SHROOM4: variants seen among roughly 807,000 people sequenced by gnomAD.
SHROOM4 encodes shroom family member 4, also known as protein Shroom4.
SHROOM4 carries 17 observed loss-of-function variants against 80.3 expected under a neutral mutation model. The ratio of observed to expected loss-of-function variants is 0.21; its 90% CI spans 0.14 to 0.32. The LOEUF (loss-of-function observed/expected upper bound fraction) is 0.32. Ranked by LOEUF, SHROOM4 falls within the 10% of genes least tolerant of loss-of-function variation. The probability of loss-of-function intolerance (pLI) is 1.00; values close to 1 mark genes in which losing one functional copy is unlikely to be tolerated. For synonymous variants in SHROOM4, 400 were observed against 437.5 expected (o/e 0.91, Z 1.07); for missense variants, 993 against 1,140.3 (o/e 0.87, Z 1.86).
intron 2 of SHROOM4, chrX:50,649,736 T>C (rs1470852070): frequency 3.6e-5 from 4 of 112,582 alleles, no homozygotes; most frequent in African/African-American, 1.3e-4. Context: ...ATGCTCTGTA[T>C]TTTTACTGCA....
At chrX:50,650,817 T>C (rs782702455) in intron 2 of SHROOM4, among the ~76,000 whole-genome samples, 3 of 112,482 alleles carry the variant, frequency 2.7e-5, no homozygotes, top group Admixed American at 9.4e-5. Context: ...GATTTTTCCC[T>C]CAGGGAAATC....
chrX:50,770,468 C>A (rs1935373355), intron 1 of SHROOM4, among the ~76,000 whole-genome samples: 1 of 111,928 alleles, frequency 8.9e-6, no homozygotes, highest in Non-Finnish European at 1.9e-5. Context: ...TCAGCAGTGA[C>A]AACTGGTTTG....
chrX:50,652,991 C>A (rs1338321957), intron 2 of SHROOM4, among the ~76,000 whole-genome samples: 1 of 111,587 alleles, frequency 9.0e-6, no homozygotes, highest in Admixed American at 9.5e-5. Context: ...AGTTTGAAGT[C>A]AGGTAGCATG....
chrX:50,621,439 G>A (rs980206751), intron 5 of SHROOM4, among the ~76,000 whole-genome samples: 1 of 111,736 alleles, frequency 8.9e-6, no homozygotes, highest in Admixed American at 9.5e-5. Context: ...TATTCTTCCA[G>A]ATAAATTTTA....
the SHROOM4 span, among the ~76,000 whole-genome samples, chrX:50,578,927 G>A: frequency 9.0e-6 from 1 of 111,701 alleles, no homozygotes; most frequent in Non-Finnish European, 1.9e-5. Flanking sequence ...TGGTAGTATA[G>A]TTTATTGCTG....
At chrX:50,781,745 CAGAAA>C (rs1935631854) in intron 1 of SHROOM4, among the ~76,000 whole-genome samples, 1 of 110,708 alleles carries the variant, frequency 9.0e-6, no homozygotes, top group Non-Finnish European at 1.9e-5. Flanking sequence ...AAAATAAAGA[CAGAAA>C]ATACTCTCTT....
At chrX:50,724,500 T>C (rs1934201868) in intron 1 of SHROOM4, among the ~76,000 whole-genome samples, 1 of 113,160 alleles carries the variant, frequency 8.8e-6, no homozygotes, top group African/African-American at 3.2e-5. Context: ...AGTTTCGCTC[T>C]TGTTGCCCAG....
chrX:50,796,235 A>C (rs1485685547), intron 1 of SHROOM4, among the ~76,000 whole-genome samples: 2 of 112,162 alleles, frequency 1.8e-5, no homozygotes, highest in Non-Finnish European at 3.8e-5. Context: ...ACCAAATTCA[A>C]GGGTGTTATT....
chrX:50,646,770 C>A (rs1931857030), intron 2 of SHROOM4, among the ~76,000 whole-genome samples: 1 of 109,341 alleles, frequency 9.1e-6, no homozygotes, highest in Non-Finnish European at 1.9e-5. Context: ...TGCTGGGTCC[C>A]CCTCTCCACC....
intron 1 of SHROOM4, among the ~76,000 whole-genome samples, chrX:50,791,172 T>C (rs1367911731): frequency 9.0e-6 from 1 of 110,846 alleles, no homozygotes; most frequent in African/African-American, 3.3e-5. Context: ...ACTAACAATG[T>C]ACTACCTCAA....
chrX:50,625,301 T>C (rs1336979800), intron 5 of SHROOM4, among the ~76,000 whole-genome samples: 1 of 112,093 alleles, frequency 8.9e-6, no homozygotes, highest in African/African-American at 3.2e-5. Flanking sequence ...TTAAGCAAAT[T>C]AGAGCATATT....
At chrX:50,710,920 G>A (rs1557264350) in intron 1 of SHROOM4, among the ~76,000 whole-genome samples, 1 of 110,874 alleles carries the variant, frequency 9.0e-6, no homozygotes, top group East Asian at 2.9e-4. Context: ...CCTTAGCCTT[G>A]ATCTAAGTCT....
intron 1 of SHROOM4, among the ~76,000 whole-genome samples, chrX:50,759,971 G>C (rs1401474340): frequency 1.8e-5 from 2 of 111,146 alleles, no homozygotes; most frequent in African/African-American, 6.5e-5. Flanking sequence ...TTGTTTTATG[G>C]CCTAGCATAT....
the SHROOM4 span, among the ~76,000 whole-genome samples, chrX:50,579,837 A>G: frequency 9.0e-6 from 1 of 111,579 alleles, no homozygotes. Flanking sequence ...TAAAAAGCAT[A>G]GATAAAATTG....
At chrX:50,777,641 T>C (rs1935538559) in intron 1 of SHROOM4, among the ~76,000 whole-genome samples, 1 of 111,254 alleles carries the variant, frequency 9.0e-6, no homozygotes, top group Admixed American at 9.5e-5. Context: ...TGACCAGGAG[T>C]GTGATCTCAA....
chrX:50,614,187 T>C (rs1930124062), intron 5 of SHROOM4, among the ~76,000 whole-genome samples: 1 of 112,612 alleles, frequency 8.9e-6, no homozygotes, highest in South Asian at 3.6e-4. Context: ...ATAAAGGTAC[T>C]AGAAGAAAAC....
chrX:50,696,431 T>G (rs1933371811), intron 1 of SHROOM4, among the ~76,000 whole-genome samples: 1 of 110,560 alleles, frequency 9.0e-6, no homozygotes, highest in African/African-American at 3.4e-5. Context: ...TTAACATCTG[T>G]GTCTCAATTC....
intron 1 of SHROOM4, among the ~76,000 whole-genome samples, chrX:50,791,022 T>C (rs1388074990): frequency 1.2e-4 from 13 of 110,896 alleles, no homozygotes; most frequent in African/African-American, 3.9e-4. Context: ...CCAGGTAACA[T>C]GATCTTGTAT....
chrX:50,780,083 T>C (rs1284397965), intron 1 of SHROOM4, among the ~76,000 whole-genome samples: 3 of 111,270 alleles, frequency 2.7e-5, no homozygotes, highest in African/African-American at 9.8e-5. Flanking sequence ...GAGTCTTGAG[T>C]CAGTCAGTCC....
Sources: allele counts gnomAD v4.1 joint callset (sites outside exome capture counted in the v4.1 genomes callset), GRCh38; gene constraint gnomAD v4.1.1; transcripts MANE v1.5; gene names NCBI Gene and HGNC (gene_info 2026-07-23, HGNC 2026-07-21).